The following KATNBL1 variants were observed in gnomAD, a reference collection of about 807,000 sequenced individuals.
KATNBL1 encodes the protein katanin regulatory subunit B1 like 1.
KATNBL1 carries 28 observed loss-of-function variants against 44.7 expected under a neutral mutation model. The observed-to-expected ratio is 0.63, with a 90% CI of 0.46 to 0.86. The LOEUF (loss-of-function observed/expected upper bound fraction) is 0.86. Among genes scored for constraint, KATNBL1 ranks in the 40% least tolerant of loss-of-function variants. KATNBL1 has a pLI of 0.00. For missense variants in KATNBL1, 272 were observed against 350.7 expected (o/e 0.78, Z 1.79); for synonymous variants, 78 against 114.9 (o/e 0.68, Z 2.06).
intron 2 of KATNBL1, among the ~76,000 whole-genome samples, chr15:34,162,906 G>A (rs770362946): frequency 3.9e-5 from 6 of 152,150 alleles, no homozygotes; most frequent in Non-Finnish European, 7.3e-5. Context: ...GAGCCACCAT[G>A]CCTGGCCTAA....
At chr15:34,148,541 T>C (rs1888376946) in intron 5 of KATNBL1, 91 bp downstream of exon 5, 2 of 718,198 alleles carry the variant, frequency 2.8e-6, no homozygotes, top group African/African-American at 1.8e-5. Flanking sequence ...TGAGCCATGA[T>C]TGTGCCACTG....
At chr15:34,190,242 C>A (rs181195980) in intron 1 of KATNBL1, among the ~76,000 whole-genome samples, 4 of 152,240 alleles carry the variant, frequency 2.6e-5, no homozygotes, top group Admixed American at 2.0e-4. Context: ...CCGCGCCCGG[C>A]CTGGAAGTAC....
intron 1 of KATNBL1, among the ~76,000 whole-genome samples, chr15:34,172,555 C>T (rs1281725549): frequency 2.0e-5 from 3 of 152,074 alleles, no homozygotes; most frequent in East Asian, 1.9e-4. Context: ...CTGCACCCAG[C>T]CTAGGAACAT....
intron 5 of KATNBL1, among the ~76,000 whole-genome samples, 195 bp from the exon 6 acceptor site, chr15:34,147,625 T>C (rs1290226188): frequency 1.6e-4 from 23 of 148,330 alleles, no homozygotes. Context: ...ACTGTGGGGG[T>C]TGGGGGGTGG....
chr15:34,168,938 A>G (rs563787239), intron 1 of KATNBL1, among the ~76,000 whole-genome samples: 2 of 152,338 alleles, frequency 1.3e-5, no homozygotes, highest in South Asian at 2.1e-4. Flanking sequence ...CATTTAAAGC[A>G]GTGTGTAGCC....
intron 1 of KATNBL1, among the ~76,000 whole-genome samples, chr15:34,183,639 G>A (rs1347918391): frequency 6.6e-6 from 1 of 152,132 alleles, no homozygotes; most frequent in Non-Finnish European, 1.5e-5. Flanking sequence ...TTTTTTAATA[G>A]AGGAGGAAAC....
At chr15:34,167,987 C>A (rs1889035710) in intron 1 of KATNBL1, among the ~76,000 whole-genome samples, 1 of 152,012 alleles carries the variant, frequency 6.6e-6, no homozygotes, top group Non-Finnish European at 1.5e-5. Flanking sequence ...CAAAAATATG[C>A]CAAATTGTAA....
intron 1 of KATNBL1, among the ~76,000 whole-genome samples, chr15:34,207,831 G>A (rs1301116780): frequency 6.6e-6 from 1 of 152,064 alleles, no homozygotes; most frequent in Non-Finnish European, 1.5e-5. Context: ...TCGAACTCCT[G>A]GCTTCCAGAG....
chr15:34,173,585 A>G (rs1001684549), intron 1 of KATNBL1, among the ~76,000 whole-genome samples: 6 of 152,206 alleles, frequency 3.9e-5, no homozygotes, highest in Non-Finnish European at 7.4e-5. Context: ...TGGAAATCCA[A>G]CAGGATATAT....
chr15:34,180,925 C>CA (rs894812693), intron 1 of KATNBL1, among the ~76,000 whole-genome samples: 1 of 152,030 alleles, frequency 6.6e-6, no homozygotes, highest in African/African-American at 2.4e-5. Flanking sequence ...GCAAAACAAA[C>CA]AAAAAACCTT....
intron 1 of KATNBL1, chr15:34,165,967 A>C (rs1172516131): frequency 3.3e-5 from 5 of 152,228 alleles, no homozygotes; most frequent in African/African-American, 1.2e-4. Flanking sequence ...AGTCCATTCC[A>C]AGATGGCCAT....
At chr15:34,204,798 T>C (rs570170684) in intron 1 of KATNBL1, among the ~76,000 whole-genome samples, 3 of 152,080 alleles carry the variant, frequency 2.0e-5, no homozygotes, top group Non-Finnish European at 4.4e-5. Context: ...TACAGGCCAC[T>C]GTAAGGGAAA....
intron 1 of KATNBL1, among the ~76,000 whole-genome samples, chr15:34,180,768 A>T (rs1431493711): frequency 2.0e-5 from 3 of 151,994 alleles, no homozygotes; most frequent in African/African-American, 7.2e-5. Flanking sequence ...AAGTTTTCTC[A>T]AATCTTCTTT....
At chr15:34,167,954 C>T (rs758848311) in intron 1 of KATNBL1, among the ~76,000 whole-genome samples, 2 of 152,090 alleles carry the variant, frequency 1.3e-5, no homozygotes, top group Admixed American at 6.6e-5. Context: ...AACATGGTTA[C>T]GAACAACCAG....
intron 1 of KATNBL1, among the ~76,000 whole-genome samples, chr15:34,166,461 G>A (rs1888978283): frequency 6.6e-6 from 1 of 152,278 alleles, no homozygotes; most frequent in African/African-American, 2.4e-5. Context: ...AGAGCCCACT[G>A]CAGCTCTGCA....
rs10648450 is a variant in KATNBL1, at chr15:34,164,520, G to GAAA, written c.-14-833_-14-831dup. On this transcript the variant is annotated intron_variant, in intron 1 of 9. Coordinates refer to ENST00000256544, the MANE Select transcript of KATNBL1 (RefSeq NM_024713.3). Reference sequence around the variant, plus strand: ...CTCTCCAAAGCTCTCCTCTACCTTTGAAAAAAAAAAAAATCAATGCCCTCC... The same window carrying GAAA: ...CTCTCCAAAGCTCTCCTCTACCTTTGAAAAAAAAAAAAAAAATCAATGCCCTCC... 6.7e-4 allele frequency among the ~76,000 whole-genome samples: 97 copies of GAAA among 144,208 alleles called. No homozygotes were observed. In the South Asian group the frequency reaches 0.011, roughly 16 times the overall value. 94.6% of individuals were successfully genotyped at this position (144,208 alleles called of 152,430 possible).
Position 34,154,687 on chromosome 15 carries a change from GA to G in KATNBL1, c.118-4del. 1 of 1,564,164 alleles carries G rather than the reference GA, an allele frequency of 6.4e-7. No homozygotes were observed. Among genetic ancestry groups the G allele is most frequent in the South Asian group, 1.1e-5 (1 of 89,878 alleles). ...AACTGTTTTGGAGATTTCTTAACCT[GA>G]AAAATGAAAGTAGATAGTTGATGTT... On this transcript the variant is annotated splice_polypyrimidine_tract_variant and splice_region_variant and intron_variant, in intron 2 of 9. Transcript: ENST00000256544.
chr15:34,174,089 A>C (rs1310400581), intron 1 of KATNBL1, among the ~76,000 whole-genome samples: 1 of 152,224 alleles, frequency 6.6e-6, no homozygotes, highest in Non-Finnish European at 1.5e-5. Flanking sequence ...GAGTTTTCCA[A>C]ATTATGTTTA....
chr15:34,149,365 A>G (rs1373085499), intron 4 of KATNBL1, among the ~76,000 whole-genome samples: 2 of 152,070 alleles, frequency 1.3e-5, no homozygotes, highest in African/African-American at 4.8e-5. Context: ...AATTACCTAT[A>G]TTGTTCAAAA....
Sources: allele counts gnomAD v4.1 joint callset (sites outside exome capture counted in the v4.1 genomes callset), GRCh38; gene constraint gnomAD v4.1.1; transcripts MANE v1.5; gene names NCBI Gene and HGNC (gene_info 2026-07-23, HGNC 2026-07-21).